The following ZNF493 variants were observed in gnomAD, a reference collection of about 807,000 sequenced individuals.
ZNF493 encodes zinc finger protein 493.
Under a neutral mutation model 12.2 loss-of-function variants are expected in ZNF493, and 11 were observed. The ratio of observed to expected loss-of-function variants is 0.90; its 90% CI spans 0.57 to 1.50. The LOEUF (loss-of-function observed/expected upper bound fraction) is 1.50, where lower values mean the gene tolerates loss of function less well. Among genes scored for constraint, ZNF493 ranks in the 40% most tolerant of loss-of-function variants. The pLI, the probability that ZNF493 is intolerant of heterozygous loss-of-function variation, is 0.00. For synonymous variants in ZNF493, 286 were observed against 302.6 expected, an observed-to-expected ratio of 0.95 and a Z score of 0.57; for missense variants, 950 against 906.6, an observed-to-expected ratio of 1.05 and a Z score of -0.61.
chr19:21,405,139 C>T lies in ZNF493; in HGVS notation c.41C>T (p.Thr14Ile), dbSNP rs1467854466. ...PPESLDMGPL[T>I]FRDVAIEFSL... ...GTGTGTTTGTTTCAGGGGCCGTTGA[C>T]ATTTAGGGATGTGGCCATAGAATTC... Residue 14 changes from threonine to isoleucine, a missense_variant, in exon 2 of 4, where the codon ACA (threonine) becomes ATA (isoleucine). Thr to Ile is a moderately conservative substitution (Grantham distance 89). Coordinates refer to ENST00000392288, the MANE Select transcript of ZNF493 (RefSeq NM_001076678.3). The T allele has an allele frequency of 4.3e-6, 7 of 1,612,846 alleles. No homozygotes were observed. The South Asian group carries it at 7.7e-5, about 18-fold the overall frequency.
intron 3 of ZNF493, among the ~76,000 whole-genome samples, chr19:21,406,803 G>A (rs772393531): frequency 4.0e-5 from 6 of 151,042 alleles, no homozygotes; most frequent in Admixed American, 2.6e-4. Flanking sequence ...TTTTAAAATC[G>A]TAGTTTTCAT....
At position 21,423,604 on chromosome 19, in the gene ZNF493, T is replaced by A. The variant is rs146059686; in HGVS notation, c.945T>A (p.His315Gln). The change falls in exon 4 of 4, where the codon CAT (histidine) becomes CAA (glutamine). Residue 315 changes from histidine to glutamine, a missense_variant. Coordinates refer to ENST00000392288, the MANE Select transcript of ZNF493 (RefSeq NM_001076678.3). ...CCCTTACTGGACATAAGATAATTCA[T>A]AATGGAGAAAAACCCTATAAATGTG... ...SSTLTGHKIIHNGEKPYKCEE... is the reference protein window; with the variant it reads ...SSTLTGHKIIQNGEKPYKCEE... 1.9e-6 allele frequency: 3 copies of A among 1,609,458 alleles called. No individual in the cohort carries two copies. Among genetic ancestry groups the A allele is most frequent in the Non-Finnish European group, 2.5e-6 (3 of 1,179,364 alleles).
At chr19:21,405,480 A>G (rs1329440442) in intron 2 of ZNF493, 16 of 1,359,022 alleles carry the variant, frequency 1.2e-5, no homozygotes, top group Non-Finnish European at 1.5e-5. Context: ...TTCACTCTAC[A>G]GTAGTGGTAA....
rs1461940695 is a variant in ZNF493, at chr19:21,427,567, T to A, written c.*2583T>A. ...TATTGTGCATTCAATAAAGTGTTGTTATGCCACAAAGATTAACATTTTCCA... is the reference window on the plus strand; with the variant it reads ...TATTGTGCATTCAATAAAGTGTTGTAATGCCACAAAGATTAACATTTTCCA... On this transcript the variant is annotated 3_prime_UTR_variant, in exon 4 of 4. Coordinates refer to ENST00000392288, the MANE Select transcript of ZNF493 (RefSeq NM_001076678.3). 1 of 152,204 alleles carries A rather than the reference T, an allele frequency of 6.6e-6. No homozygotes were observed. Among genetic ancestry groups the A allele is most frequent in the Non-Finnish European group, 1.5e-5 (1 of 68,038 alleles). 9.4% of individuals were successfully genotyped at this position (152,204 alleles called of 1,614,324 possible).
Position 21,424,010 on chromosome 19 carries a change from C to G in ZNF493, c.1351C>G (p.His451Asp), listed in dbSNP as rs1376756561. ...TFSVFSILTK[H>D]KIIHTEEKPY... is the part of the protein sequence containing the mutation. The stretch of plus-strand genomic sequence containing the variant: ...TAGTGTATTCTCAATTCTTACTAAA[C>G]ATAAAATAATTCATACAGAAGAGAA... The change falls in exon 4 of 4, where the codon CAT (histidine) becomes GAT (aspartate). Residue 451 changes from histidine (H) to aspartate (D), a missense_variant. His to Asp is a moderately conservative substitution (Grantham distance 81, BLOSUM62 -1). Transcript: ENST00000392288. The G allele has an allele frequency of 5.0e-6, 8 of 1,613,400 alleles. No individual in the cohort carries two copies. Among genetic ancestry groups the G allele is most frequent in the Admixed American group, 1.7e-5 (1 of 59,930 alleles).
In ZNF493 at chr19:21,423,577, A is replaced by C. The variant is rs748284265; in HGVS notation, c.918A>C (p.Ser306=). 3.1e-6 allele frequency: 5 copies of C among 1,613,766 alleles called. No homozygotes were observed. In the East Asian group the frequency reaches 1.1e-4, roughly 36 times the overall value. Residue 306 remains serine, a synonymous_variant, in exon 4 of 4, where the codon TCA becomes TCC. Transcript: ENST00000392288. ...ATGGCAAAACTTTTAACCAATCTTCAACCCTTACTGGACATAAGATAATTC... is the reference window on the plus strand; with the variant it reads ...ATGGCAAAACTTTTAACCAATCTTCCACCCTTACTGGACATAAGATAATTC... The part of the protein sequence containing the change: ...EQYGKTFNQS[S]TLTGHKIIHN...
intron 2 of ZNF493, chr19:21,405,552 T>G: frequency 7.9e-7 from 1 of 1,272,202 alleles, no homozygotes; most frequent in South Asian, 2.0e-5. Context: ...ATGCCACCAC[T>G]AATTTTTTAT....
intron 3 of ZNF493, among the ~76,000 whole-genome samples, chr19:21,414,890 G>GT (rs1348842343): frequency 6.6e-6 from 1 of 152,168 alleles, no homozygotes; most frequent in African/African-American, 2.4e-5. Context: ...AACTGAAACA[G>GT]TTTTGTTTTA....
chr19:21,418,703 T>C (rs1261664750), intron 3 of ZNF493, among the ~76,000 whole-genome samples: 2 of 152,228 alleles, frequency 1.3e-5, no homozygotes, highest in African/African-American at 2.4e-5. Context: ...AGCCAGTCAT[T>C]AGCACTGTTT....
At chr19:21,397,373 T>TCTG in intron 1 of ZNF493, 106 bp downstream of exon 1, 1 of 1,360,598 alleles carries the variant, frequency 7.3e-7, no homozygotes, top group Non-Finnish European at 1.1e-6. Context: ...AGCTCCACAA[T>TCTG]CTGCTCCCTG....
In ZNF493 at chr19:21,412,809, T is replaced by C. The variant is rs369881993; in HGVS notation, c.253+6953T>C. 1,487 of 303,258 alleles carry C rather than the reference T, an allele frequency of 4.9e-3. 54 individuals carry two copies. Among genetic ancestry groups the C allele is most frequent in the South Asian group, 0.039 (1,442 of 36,822 alleles). 18.8% of individuals were successfully genotyped at this position (303,258 alleles called of 1,614,324 possible). On this transcript the variant is annotated intron_variant, in intron 3 of 3. Transcript: ENST00000392288. ...ATTTTGCAATATCCAAAAACAACTTTGTAGAGTGTCTTTCTAGATGCTTTT... is the reference window on the plus strand; with the variant it reads ...ATTTTGCAATATCCAAAAACAACTTCGTAGAGTGTCTTTCTAGATGCTTTT...
intron 3 of ZNF493, chr19:21,408,770 A>G: frequency 1.0e-6 from 1 of 984,556 alleles, no homozygotes. Flanking sequence ...TGTGAGGTTG[A>G]ATTAAAAGAT....
chr19:21,421,324 AC>A (rs1347689008), intron 3 of ZNF493, among the ~76,000 whole-genome samples: 1 of 151,880 alleles, frequency 6.6e-6, no homozygotes, highest in African/African-American at 2.4e-5. Flanking sequence ...ATTGAGTGTT[AC>A]TGAATTTATT....
intron 1 of ZNF493, among the ~76,000 whole-genome samples, chr19:21,403,275 T>C (rs1459275173): frequency 6.6e-6 from 1 of 152,136 alleles, no homozygotes; most frequent in African/African-American, 2.4e-5. Context: ...TTCATGAGAG[T>C]TAAGTTTCAC....
intron 3 of ZNF493, chr19:21,408,158 G>A (rs1164662049): frequency 5.3e-6 from 5 of 943,554 alleles, no homozygotes; most frequent in Non-Finnish European, 6.1e-6. Context: ...CAGGAGTCTC[G>A]CTCTGTCGCC....
intron 3 of ZNF493, among the ~76,000 whole-genome samples, chr19:21,406,850 G>T (rs866934015): frequency 6.6e-6 from 1 of 151,716 alleles, no homozygotes; most frequent in Non-Finnish European, 1.5e-5. Context: ...ATTTTGATAG[G>T]TCGTTTGCTG....
intron 3 of ZNF493, among the ~76,000 whole-genome samples, chr19:21,419,053 A>G (rs2030577300): frequency 6.6e-6 from 1 of 152,198 alleles, no homozygotes; most frequent in Non-Finnish European, 1.5e-5. Context: ...TCTCTGAGTA[A>G]TCTTTCAAAT....
At chr19:21,397,379 C>T (rs770353107) in intron 1 of ZNF493, 112 bp downstream of exon 1, 15 of 1,315,890 alleles carry the variant, frequency 1.1e-5, no homozygotes, top group Admixed American at 1.0e-4. Context: ...ACAATCTGCT[C>T]CCTGAGTTCT....
Position 21,423,186 on chromosome 19 carries a change from A to G in ZNF493, c.527A>G (p.His176Arg). Residue 176 changes from histidine to arginine, a missense_variant, in exon 4 of 4, where the codon CAT becomes CGT. Physicochemically the swap from His to Arg is conservative, Grantham distance 29. Coordinates refer to ENST00000392288, the MANE Select transcript of ZNF493 (RefSeq NM_001076678.3). ...LLNSNRHNTKHTGKKPFKCKK... is the reference protein window; with the variant it reads ...LLNSNRHNTKRTGKKPFKCKK... Reference sequence around the variant, plus strand: ...AATTCAAATAGACATAACACAAAACATACTGGAAAGAAACCTTTCAAATGT... The same window carrying G: ...AATTCAAATAGACATAACACAAAACGTACTGGAAAGAAACCTTTCAAATGT... 1 of 1,613,820 alleles carries G rather than the reference A, an allele frequency of 6.2e-7. No individual in the cohort carries two copies. The highest frequency in any genetic ancestry group is 8.5e-7 in the Non-Finnish European group (1 of 1,179,848).
Sources: gnomAD v4.1 joint callset for allele counts (sites outside exome capture counted in the v4.1 genomes callset) on GRCh38, gnomAD v4.1.1 for gene constraint, MANE v1.5 for transcripts, NCBI Gene and HGNC (gene_info 2026-07-23, HGNC 2026-07-21) for gene names.